GRK4: variants seen among roughly 807,000 people sequenced by gnomAD.
The protein encoded by GRK4 is G protein-coupled receptor kinase 4, also known as G protein-coupled receptor kinase 2-like.
Under a neutral mutation model 77.9 loss-of-function variants are expected in GRK4, and 73 were observed. The observed-to-expected ratio is 0.94, with a 90% confidence interval of 0.78 to 1.14. The LOEUF is 1.14. GRK4 is among the 50% of genes most tolerant of loss of function. The probability of loss-of-function intolerance (pLI) is 0.00; values close to 1 mark genes in which losing one functional copy is unlikely to be tolerated. For synonymous variants in GRK4, 257 were observed against 254.4 expected (o/e 1.01, Z -0.10); for missense variants, 729 against 700.2 (o/e 1.04, Z -0.46).
chr4:2,971,672 A>G (rs1327343430), intron 1 of GRK4, among the ~76,000 whole-genome samples: 1 of 152,220 alleles, frequency 6.6e-6, no homozygotes, highest in Non-Finnish European at 1.5e-5. Context: ...CGCAACAGAC[A>G]TTTATTGTCT....
chr4:2,981,179 C>T lies in GRK4; in HGVS notation c.53-3334C>T, dbSNP rs77504251. On this transcript the variant is annotated intron_variant, in intron 1 of 15. Transcript: ENST00000398052. Reference sequence around the variant, plus strand: ...CTTGGCTGGGGGAGGTCCTAAGTCTCGGCTCCCCAAGGGGCCACAGCTCTT... The same window carrying T: ...CTTGGCTGGGGGAGGTCCTAAGTCTTGGCTCCCCAAGGGGCCACAGCTCTT... Among the ~76,000 whole-genome samples the T allele has an allele frequency of 9.5e-4, 145 of 152,354 alleles. 3 individuals carry two copies. In the East Asian group the frequency reaches 0.02, roughly 21 times the overall value.
chr4:3,014,866 A>G (rs1223027865), intron 8 of GRK4, among the ~76,000 whole-genome samples: 1 of 152,182 alleles, frequency 6.6e-6, no homozygotes, highest in East Asian at 1.9e-4. Context: ...GGCTCAAGTG[A>G]TCCACCTGCC....
chr4:2,991,651 A>G (rs1726212278), intron 3 of GRK4, among the ~76,000 whole-genome samples: 1 of 152,110 alleles, frequency 6.6e-6, no homozygotes, highest in Non-Finnish European at 1.5e-5. Context: ...AGCTAGGATT[A>G]CAGGTATGCG....
At chr4:2,982,037 T>C (rs1427492391) in intron 1 of GRK4, among the ~76,000 whole-genome samples, 1 of 152,206 alleles carries the variant, frequency 6.6e-6, no homozygotes, top group Non-Finnish European at 1.5e-5. Flanking sequence ...TCGGAGCAGG[T>C]GCCAGGAGCA....
chr4:2,979,318 C>T (rs984942006), intron 1 of GRK4, among the ~76,000 whole-genome samples: 1 of 148,916 alleles, frequency 6.7e-6, no homozygotes, highest in Non-Finnish European at 1.5e-5. Context: ...GTGGGAGAAT[C>T]ACCTGAACCC....
chr4:3,004,873 AG>A (rs1234200414), intron 5 of GRK4, among the ~76,000 whole-genome samples: 2 of 152,036 alleles, frequency 1.3e-5, no homozygotes, highest in Non-Finnish European at 2.9e-5. Context: ...GCATTGTTCA[AG>A]GGTCAACTGT....
At chr4:2,977,291 C>T (rs904303368) in intron 1 of GRK4, among the ~76,000 whole-genome samples, 4 of 152,136 alleles carry the variant, frequency 2.6e-5, no homozygotes, top group Non-Finnish European at 5.9e-5. Flanking sequence ...TTTGCTAGAG[C>T]GTGGGGCTCT....
rs941181843 is a variant in GRK4, at chr4:3,031,990, G to A, written c.1269+2581G>A. ...ATGAAGCCATGGGTGCTACAGGCTCGTCCTGGAGCCAGGGGTCAGCCTGGA... is the reference window on the plus strand; with the variant it reads ...ATGAAGCCATGGGTGCTACAGGCTCATCCTGGAGCCAGGGGTCAGCCTGGA... On this transcript the variant is annotated intron_variant, in intron 12 of 15. Transcript: ENST00000398052. Among the ~76,000 whole-genome samples, 153 of 152,180 alleles carry A rather than the reference G, an allele frequency of 1.0e-3. 2 individuals carry two copies. Among genetic ancestry groups the A allele is most frequent in the Middle Eastern group, 3.4e-3 (1 of 294 alleles).
chr4:3,040,354 T>C (rs1185447732), intron 15 of GRK4, among the ~76,000 whole-genome samples: 1 of 151,990 alleles, frequency 6.6e-6, no homozygotes, highest in Non-Finnish European at 1.5e-5. Context: ...GGAAGGAGAA[T>C]TGCTTGAACC....
intron 1 of GRK4, among the ~76,000 whole-genome samples, chr4:2,975,993 G>A (rs943030707): frequency 6.6e-6 from 1 of 152,098 alleles, no homozygotes; most frequent in Admixed American, 6.6e-5. Context: ...CAAACAGGCC[G>A]GTTTTAGCCA....
intron 4 of GRK4, among the ~76,000 whole-genome samples, chr4:3,004,005 C>T (rs1353957268): frequency 2.6e-5 from 4 of 152,210 alleles, no homozygotes; most frequent in Admixed American, 6.5e-5. Flanking sequence ...AGGCGTGTGC[C>T]GTTGCATCTG....
At chr4:3,037,752 TA>T (rs1741192881) in intron 14 of GRK4, among the ~76,000 whole-genome samples, 1 of 151,898 alleles carries the variant, frequency 6.6e-6, no homozygotes, top group Non-Finnish European at 1.5e-5. Flanking sequence ...CTGTCTCTAC[TA>T]AAAGTACAAA....
intron 1 of GRK4, chr4:2,969,295 C>G (rs1291880568): frequency 6.6e-6 from 1 of 152,152 alleles, no homozygotes; most frequent in Non-Finnish European, 1.5e-5. Context: ...CCGCCTTGCC[C>G]TTCCAAATTG....
At chr4:2,969,446 G>A (rs190937890) in intron 1 of GRK4, 30 of 149,124 alleles carry the variant, frequency 2.0e-4, no homozygotes, top group African/African-American at 6.2e-4. Flanking sequence ...GCACAATCTC[G>A]GCTCACCGCA....
chr4:2,987,379 G>A (rs1440906216), intron 2 of GRK4, among the ~76,000 whole-genome samples: 1 of 152,132 alleles, frequency 6.6e-6, no homozygotes, highest in East Asian at 1.9e-4. Context: ...TGCCTGTTAT[G>A]AATAATGCTG....
chr4:2,992,333 A>C, intron 4 of GRK4, 41 bp downstream of exon 4: 1 of 1,258,002 alleles, frequency 7.9e-7, no homozygotes, highest in Non-Finnish European at 1.2e-6. Context: ...TAGATAAATA[A>C]TTAGAGTGCA....
chr4:3,035,614 G>A (rs1434387108), intron 13 of GRK4, 91 bp downstream of exon 13: 2 of 1,407,552 alleles, frequency 1.4e-6, no homozygotes, highest in South Asian at 1.4e-5. Context: ...TAGAGATGGG[G>A]GGTCTCACTG....
At chr4:3,016,389 G>A (rs1272329664) in intron 8 of GRK4, among the ~76,000 whole-genome samples, 2 of 151,724 alleles carry the variant, frequency 1.3e-5, no homozygotes, top group East Asian at 2.0e-4. Flanking sequence ...GTGGTGGCGA[G>A]CACCTGTAAT....
intron 3 of GRK4, among the ~76,000 whole-genome samples, chr4:2,991,175 G>T (rs1726055510): frequency 6.6e-6 from 1 of 152,296 alleles, no homozygotes; most frequent in African/African-American, 2.4e-5. Context: ...GTCAGAAGGG[G>T]CATGGTAGGA....
Sources: gnomAD v4.1 joint callset for allele counts (sites outside exome capture counted in the v4.1 genomes callset) on GRCh38, gnomAD v4.1.1 for gene constraint, MANE v1.5 for transcripts, NCBI Gene and HGNC (gene_info 2026-07-23, HGNC 2026-07-21) for gene names.